Variants in UBE2N observed in about 807,000 individuals in gnomAD.
UBE2N encodes the protein ubiquitin conjugating enzyme E2 N.
For synonymous variants in UBE2N, 70 were observed against 69.2 expected (o/e 1.01, Z -0.06); for missense variants, 60 against 192.1 (o/e 0.31, Z 4.07).
chr12:93,437,333 T>C (rs1001048666), intron 1 of UBE2N, among the ~76,000 whole-genome samples: 4 of 151,256 alleles, frequency 2.6e-5, no homozygotes, highest in Non-Finnish European at 4.4e-5. Context: ...CACTCCAGCC[T>C]GGGCAACAAA....
rs538200332 is a variant in UBE2N at position 93,414,296 on chromosome 12, A to G, written c.31-2997T>C. Among the ~76,000 whole-genome samples, 50 of 151,610 alleles carry G rather than the reference A, an allele frequency of 3.3e-4. No homozygotes were observed. In the Middle Eastern group the frequency reaches 0.014, roughly 42 times the overall value. On this transcript the variant is annotated intron_variant, in intron 1 of 3. Coordinates refer to ENST00000318066, the MANE Select transcript of UBE2N (RefSeq NM_003348.4). ...GAAATCCCACCTCTACTAAAAATAT[A>G]AAATTAGCTAGGCATGGTGGCGCAT...
intron 1 of UBE2N, among the ~76,000 whole-genome samples, chr12:93,419,521 A>T (rs1222961753): frequency 6.6e-6 from 1 of 152,294 alleles, no homozygotes; most frequent in Non-Finnish European, 1.5e-5. Context: ...AAAACACATT[A>T]AATGAACAAA....
At chr12:93,434,269 C>A (rs138038145) in intron 1 of UBE2N, among the ~76,000 whole-genome samples, 3 of 152,044 alleles carry the variant, frequency 2.0e-5, no homozygotes, top group East Asian at 1.9e-4. Flanking sequence ...TCCAGCCTGG[C>A]GACAGAGCGA....
intron 1 of UBE2N, among the ~76,000 whole-genome samples, chr12:93,419,787 G>A (rs1370795197): frequency 2.6e-5 from 4 of 152,054 alleles, no homozygotes; most frequent in Non-Finnish European, 4.4e-5. Flanking sequence ...ACCTAAACAC[G>A]TCCTTGAAAA....
chr12:93,424,432 C>T (rs1056466014), intron 1 of UBE2N: 8 of 152,204 alleles, frequency 5.3e-5, no homozygotes, highest in African/African-American at 1.9e-4. Flanking sequence ...ACATTTCGCT[C>T]AGATTTGCAT....
At chr12:93,441,830 G>A (rs777014296) in intron 1 of UBE2N, 25 bp downstream of exon 1, 1 of 1,580,664 alleles carries the variant, frequency 6.3e-7, no homozygotes, top group Non-Finnish European at 8.6e-7. Flanking sequence ...AGAGCGAAGA[G>A]CTGGAGGCCG....
chr12:93,438,460 T>C (rs1201860308), intron 1 of UBE2N, among the ~76,000 whole-genome samples: 1 of 152,028 alleles, frequency 6.6e-6, no homozygotes, highest in African/African-American at 2.4e-5. Context: ...CAACCACTTA[T>C]TGTTCAGGGT....
At chr12:93,421,581 A>G (rs193236980) in intron 1 of UBE2N, among the ~76,000 whole-genome samples, 10 of 152,316 alleles carry the variant, frequency 6.6e-5, no homozygotes, top group African/African-American at 2.2e-4. Context: ...ACCCTTCATA[A>G]TCGTGAAGTG....
chr12:93,437,412 G>T (rs1164355548), intron 1 of UBE2N, among the ~76,000 whole-genome samples: 1 of 151,710 alleles, frequency 6.6e-6, no homozygotes, highest in Admixed American at 6.6e-5. Flanking sequence ...GAGGGGAAGA[G>T]AAGGGAATCA....
intron 1 of UBE2N, chr12:93,424,399 C>T (rs1445091509): frequency 1.3e-5 from 2 of 152,098 alleles, no homozygotes; most frequent in Non-Finnish European, 1.5e-5. Context: ...AACTTTTCAG[C>T]GAAGCAAACA....
At chr12:93,425,506 G>T (rs903879538) in intron 1 of UBE2N, among the ~76,000 whole-genome samples, 1 of 152,130 alleles carries the variant, frequency 6.6e-6, no homozygotes, top group African/African-American at 2.4e-5. Flanking sequence ...ATCAAGGCCT[G>T]TGTCTAACAT....
intron 1 of UBE2N, chr12:93,429,349 T>C (rs1223217744): frequency 2.4e-6 from 1 of 413,880 alleles, no homozygotes; most frequent in Non-Finnish European, 4.7e-6. Context: ...AACATATTTT[T>C]AGACTTACTG....
At chr12:93,417,019 T>C (rs1878239007) in intron 1 of UBE2N, among the ~76,000 whole-genome samples, 1 of 152,132 alleles carries the variant, frequency 6.6e-6, no homozygotes, top group Non-Finnish European at 1.5e-5. Flanking sequence ...GGGCCATGCA[T>C]AATAGAAAGC....
intron 1 of UBE2N, among the ~76,000 whole-genome samples, chr12:93,439,211 G>A (rs1309536277): frequency 6.6e-6 from 1 of 152,208 alleles, no homozygotes; most frequent in South Asian, 2.1e-4. Flanking sequence ...GTCAGGCGGG[G>A]CACAGTGGCT....
At chr12:93,438,850 ATAG>A (rs1879013763) in intron 1 of UBE2N, among the ~76,000 whole-genome samples, 2 of 152,192 alleles carry the variant, frequency 1.3e-5, no homozygotes, top group South Asian at 4.1e-4. Flanking sequence ...AACTGGGTGA[ATAG>A]TAGTCCAGAA....
chr12:93,426,920 T>C (rs1163080743), intron 1 of UBE2N, among the ~76,000 whole-genome samples: 2 of 152,044 alleles, frequency 1.3e-5, no homozygotes, highest in Non-Finnish European at 2.9e-5. Flanking sequence ...GTGTATTTTA[T>C]GTGTGGCCTA....
At chr12:93,440,197 T>A (rs1407184508) in intron 1 of UBE2N, among the ~76,000 whole-genome samples, 1 of 152,260 alleles carries the variant, frequency 6.6e-6, no homozygotes, top group Non-Finnish European at 1.5e-5. Flanking sequence ...GGATATTTGA[T>A]GTATGGCTCT....
intron 1 of UBE2N, among the ~76,000 whole-genome samples, chr12:93,422,689 C>A (rs1878453906): frequency 6.6e-6 from 1 of 151,612 alleles, no homozygotes; most frequent in Non-Finnish European, 1.5e-5. Context: ...TTTCTTTGAT[C>A]CAGCTTTTAT....
At chr12:93,436,858 A>G (rs991896593) in intron 1 of UBE2N, among the ~76,000 whole-genome samples, 6 of 152,370 alleles carry the variant, frequency 3.9e-5, no homozygotes, top group African/African-American at 1.2e-4. Flanking sequence ...CTAAGACTCA[A>G]TATCACTCAC....
Sources: gnomAD v4.1 joint callset for allele counts (sites outside exome capture counted in the v4.1 genomes callset) on GRCh38, gnomAD v4.1.1 for gene constraint, MANE v1.5 for transcripts, NCBI Gene and HGNC (gene_info 2026-07-23, HGNC 2026-07-21) for gene names.